Variants in NFIB observed in about 807,000 individuals in gnomAD.
The protein encoded by NFIB is nuclear factor I B, also known as nuclear factor 1 B-type.
Under a neutral mutation model 61.5 loss-of-function variants are expected in NFIB, and 11 were observed. The ratio of observed to expected loss-of-function variants is 0.18; its 90% CI spans 0.11 to 0.30. The LOEUF is 0.30. Ranked by LOEUF, NFIB falls within the 10% of genes least tolerant of loss-of-function variation. NFIB has a pLI of 1.00. For missense variants in NFIB, 471 were observed against 608.9 expected (o/e 0.77, Z 2.38); for synonymous variants, 260 against 216.5 (o/e 1.20, Z -1.76).
chr9:14,313,679 T>C lies in NFIB; in HGVS notation c.-168A>G. On this transcript the variant is annotated 5_prime_UTR_variant, in exon 1 of 11. Transcript: ENST00000380953. The surrounding 1 kb of genome is among the most constrained non-coding windows in gnomAD (Gnocchi z 4.5). ...CACAACAAACCCAGTCCTCCTTAAA[T>C]AGCCAAAGATTCAAGTTCACTCGGC... 1 of 1,441,222 alleles carries C rather than the reference T, an allele frequency of 6.9e-7. No homozygotes were observed. The highest frequency in any genetic ancestry group is 1.4e-5 in the African/African-American group (1 of 69,230). The allele number at this position is 1,441,222 out of a possible 1,614,324, so 89.3% of individuals were successfully genotyped here.
Position 14,206,257 on chromosome 9 carries a change from C to A in NFIB, c.563-26477G>T, listed in dbSNP as rs531049882. 2.0e-5 allele frequency among the ~76,000 whole-genome samples: 3 copies of A among 151,278 alleles called. No homozygotes were observed. In the East Asian group the frequency reaches 5.8e-4, roughly 29 times the overall value. On this transcript the variant is annotated intron_variant, in intron 2 of 10. Coordinates refer to ENST00000380953, the MANE Select transcript of NFIB (RefSeq NM_001190737.2). ...TGGTATGATCTCGGCTCACTCGCAA[C>A]CTCCGCCTCCCAAGGTTCAAACAAT...
chr9:14,369,669 C>T (rs1044976021), intron 1 of NFIB, among the ~76,000 whole-genome samples: 1 of 152,150 alleles, frequency 6.6e-6, no homozygotes, highest in Non-Finnish European at 1.5e-5. Context: ...ATTTTGGACC[C>T]AACTTCTACT....
chr9:14,282,663 C>T (rs2058449533), intron 2 of NFIB, among the ~76,000 whole-genome samples: 1 of 152,194 alleles, frequency 6.6e-6, no homozygotes, highest in Admixed American at 6.5e-5. Flanking sequence ...TCTTAACAAT[C>T]TGATCAGGAA....
chr9:14,292,324 A>C (rs77044770), intron 2 of NFIB, among the ~76,000 whole-genome samples: 1,853 of 152,312 alleles, frequency 0.012, 48 homozygotes, highest in African/African-American at 0.042. Context: ...TCTTTCTTAA[A>C]AAGTAAGCTT....
intron 1 of NFIB, among the ~76,000 whole-genome samples, chr9:14,375,259 C>G (rs987335801): frequency 3.3e-5 from 5 of 152,290 alleles, no homozygotes; most frequent in Admixed American, 2.0e-4. Flanking sequence ...TGATATCCCT[C>G]TAGTTATCAT....
intron 1 of NFIB, among the ~76,000 whole-genome samples, chr9:14,356,875 T>C (rs553444305): frequency 6.6e-6 from 1 of 152,314 alleles, no homozygotes; most frequent in South Asian, 2.1e-4. Context: ...GTCATGGGGC[T>C]GTTATGGGGA....
chr9:14,111,499 C>T lies in NFIB; in HGVS notation c.1467+1500G>A, dbSNP rs1329023501. On this transcript the variant is annotated intron_variant, in intron 10 of 10. Transcript: ENST00000380953. Reference sequence around the variant, plus strand: ...ATGTGTCATAAAGAATAATGCAAATCCCATGAGAAAAATATTCCTGAGAAT... The same window carrying T: ...ATGTGTCATAAAGAATAATGCAAATTCCATGAGAAAAATATTCCTGAGAAT... Among the ~76,000 whole-genome samples, 5 of 152,120 alleles carry T rather than the reference C, an allele frequency of 3.3e-5. No homozygotes were observed. In the East Asian group the frequency reaches 9.7e-4, roughly 30 times the overall value.
chr9:14,195,981 G>A (rs997446313), intron 2 of NFIB, among the ~76,000 whole-genome samples: 2 of 151,966 alleles, frequency 1.3e-5, no homozygotes, highest in African/African-American at 4.8e-5. Context: ...ATTAAAAATA[G>A]AATAAATTAG....
intron 2 of NFIB, among the ~76,000 whole-genome samples, chr9:14,304,094 G>A (rs2059897296): frequency 6.6e-6 from 1 of 152,154 alleles, no homozygotes; most frequent in Admixed American, 6.5e-5. Flanking sequence ...AAAGTCTAAT[G>A]AACTATATAT....
At chr9:14,336,437 A>T (rs1200640944) in intron 1 of NFIB, among the ~76,000 whole-genome samples, 1 of 152,226 alleles carries the variant, frequency 6.6e-6, no homozygotes, top group East Asian at 1.9e-4. Context: ...GACTGACCTC[A>T]TGGGCCTGGG....
chr9:14,412,746 G>T, the NFIB span, among the ~76,000 whole-genome samples: 4 of 152,296 alleles, frequency 2.6e-5, no homozygotes, highest in African/African-American at 9.6e-5. Flanking sequence ...CCCCAGAGGG[G>T]AGCGCTCAGG....
chr9:14,341,558 C>G (rs932891603), intron 1 of NFIB, among the ~76,000 whole-genome samples: 1 of 152,164 alleles, frequency 6.6e-6, no homozygotes, highest in Non-Finnish European at 1.5e-5. Context: ...AGCACAGACT[C>G]CAGTGTCAGT....
intron 3 of NFIB, among the ~76,000 whole-genome samples, chr9:14,158,317 C>A (rs972651212): frequency 6.6e-6 from 1 of 152,150 alleles, no homozygotes; most frequent in Non-Finnish European, 1.5e-5. Flanking sequence ...CCTTCAAAAT[C>A]CAGCCCAACC....
the NFIB span, among the ~76,000 whole-genome samples, chr9:14,429,974 CTT>C: frequency 6.6e-6 from 1 of 152,134 alleles, no homozygotes; most frequent in South Asian, 2.1e-4. Context: ...CAATTTATGA[CTT>C]AATCAGAAAA....
chr9:14,425,069 T>G, the NFIB span, among the ~76,000 whole-genome samples: 1 of 152,126 alleles, frequency 6.6e-6, no homozygotes, highest in African/African-American at 2.4e-5. Context: ...AGGCCTTGGG[T>G]TTAGCCGCTG....
intron 2 of NFIB, among the ~76,000 whole-genome samples, chr9:14,181,540 C>T (rs1009084886): frequency 3.9e-5 from 6 of 152,188 alleles, no homozygotes; most frequent in Admixed American, 2.0e-4. Flanking sequence ...CTTTAAAAAA[C>T]TGGTACAATA....
the NFIB span, among the ~76,000 whole-genome samples, chr9:14,504,908 C>A: frequency 6.6e-6 from 1 of 152,160 alleles, no homozygotes; most frequent in Non-Finnish European, 1.5e-5. Flanking sequence ...TTGTTGTGTT[C>A]CAGTTCTCAG....
chr9:14,247,028 C>T (rs2055015126), intron 2 of NFIB, among the ~76,000 whole-genome samples: 1 of 152,056 alleles, frequency 6.6e-6, no homozygotes, highest in African/African-American at 2.4e-5. Flanking sequence ...TTCTGAGACA[C>T]AATAAGCAGG....
At chr9:14,432,935 T>C in the NFIB span, among the ~76,000 whole-genome samples, 1 of 152,342 alleles carries the variant, frequency 6.6e-6, no homozygotes, top group Non-Finnish European at 1.5e-5. Flanking sequence ...CTGAAAGAAC[T>C]TGATAGATTC....
Sources: allele counts gnomAD v4.1 joint callset (sites outside exome capture counted in the v4.1 genomes callset), GRCh38; gene constraint gnomAD v4.1.1; non-coding constraint Gnocchi (gnomAD v3.1); transcripts MANE v1.5; gene names NCBI Gene and HGNC (gene_info 2026-07-23, HGNC 2026-07-21).